The following INVS variants were observed in gnomAD, a reference collection of about 807,000 sequenced individuals.
INVS encodes inversin, also known as inversion of embryo turning homolog.
In INVS, 86 loss-of-function variants were observed where a neutral mutation model predicts 108.8. That is an observed-to-expected ratio of 0.79 (90% confidence interval 0.66 to 0.95). The LOEUF is 0.95. Among genes scored for constraint, INVS ranks in the 40% least tolerant of loss-of-function variants. The probability of loss-of-function intolerance (pLI) is 0.00; values close to 1 mark genes in which losing one functional copy is unlikely to be tolerated. For synonymous variants in INVS, 455 were observed against 473.5 expected, an observed-to-expected ratio of 0.96 and a Z score of 0.51; for missense variants, 1,169 against 1,297.4, an observed-to-expected ratio of 0.90 and a Z score of 1.52.
chr9:100,269,559 A>G (rs1832889206), intron 11 of INVS, among the ~76,000 whole-genome samples: 1 of 152,198 alleles, frequency 6.6e-6, no homozygotes, highest in East Asian at 1.9e-4. Flanking sequence ...AAAGTGATCA[A>G]AATACTCCTA....
At chr9:100,298,786 A>T (rs971130304) in intron 16 of INVS, among the ~76,000 whole-genome samples, 5 of 152,232 alleles carry the variant, frequency 3.3e-5, no homozygotes, top group Non-Finnish European at 7.3e-5. Context: ...AGTGTTGGAC[A>T]ACTCATGTAA....
rs549468499 is a variant in INVS at position 100,119,744 on chromosome 9, A to G, written c.107-6639A>G. Reference sequence around the variant, plus strand: ...GGCTGATTTTTTTGTATTTTTTAGTAGCGATGGGGTTTCACCATGTTAGCC... The same window carrying G: ...GGCTGATTTTTTTGTATTTTTTAGTGGCGATGGGGTTTCACCATGTTAGCC... On this transcript the variant is annotated intron_variant, in intron 2 of 16. Coordinates refer to ENST00000262457, the MANE Select transcript of INVS (RefSeq NM_014425.5). 1.3e-4 allele frequency among the ~76,000 whole-genome samples: 20 copies of G among 152,250 alleles called. No individual in the cohort carries two copies. In the East Asian group the frequency reaches 3.9e-3, roughly 29 times the overall value.
chr9:100,165,991 G>A (rs954184393), intron 3 of INVS, among the ~76,000 whole-genome samples: 2 of 151,858 alleles, frequency 1.3e-5, no homozygotes, highest in Admixed American at 1.3e-4. Context: ...CAGAGCTTGC[G>A]GATTTTTTTA....
chr9:100,229,796 C>T lies in INVS; in HGVS notation c.584C>T (p.Pro195Leu). ...PLHWAANHKD[P>L]SAVHTVRCIL... ...CACTGGGCAGCCAACCATAAAGATC[C>T]AAGTGCTGTTCACACAGTGAGATGC... is the stretch of plus-strand genomic sequence containing the variant. The change falls in exon 5 of 17, where the codon CCA (proline) becomes CTA (leucine). Residue 195 changes from proline (P) to leucine (L), a missense_variant. Coordinates refer to ENST00000262457, the MANE Select transcript of INVS (RefSeq NM_014425.5). The T allele has an allele frequency of 6.2e-7, 1 of 1,614,090 alleles. No homozygotes were observed. Among genetic ancestry groups the T allele is most frequent in the Non-Finnish European group, 8.5e-7 (1 of 1,180,004 alleles).
At chr9:100,273,887 C>T (rs1833038375) in intron 12 of INVS, among the ~76,000 whole-genome samples, 1 of 151,950 alleles carries the variant, frequency 6.6e-6, no homozygotes, top group South Asian at 2.1e-4. Context: ...GTAATTTACT[C>T]AAGAAATATT....
chr9:100,116,614 A>G, intron 2 of INVS: 1 of 302,940 alleles, frequency 3.3e-6, no homozygotes, highest in Non-Finnish European at 6.0e-6. Context: ...TTTGTATCAT[A>G]TCTAAGAAAT....
intron 7 of INVS, among the ~76,000 whole-genome samples, chr9:100,245,259 A>AT (rs963477007): frequency 6.6e-5 from 10 of 151,738 alleles, no homozygotes; most frequent in Admixed American, 3.3e-4. Context: ...AAGGGTCCTA[A>AT]TTTTTTTTGT....
At chr9:100,265,578 G>A (rs529422003) in intron 11 of INVS, among the ~76,000 whole-genome samples, 37 of 152,226 alleles carry the variant, frequency 2.4e-4, no homozygotes, top group Middle Eastern at 3.4e-3. Context: ...TTAGGCCAGC[G>A]GAATGTGTTA....
intron 3 of INVS, among the ~76,000 whole-genome samples, chr9:100,210,256 AAT>A (rs1284610345): frequency 6.6e-6 from 1 of 152,160 alleles, no homozygotes; most frequent in African/African-American, 2.4e-5. Flanking sequence ...TGGAGCATGT[AAT>A]AAGTGGATCC....
At chr9:100,273,373 C>G (rs1338859018) in intron 12 of INVS, among the ~76,000 whole-genome samples, 1 of 151,900 alleles carries the variant, frequency 6.6e-6, no homozygotes, top group Non-Finnish European at 1.5e-5. Flanking sequence ...GGGATTGCTT[C>G]CTAGAATAAG....
intron 12 of INVS, among the ~76,000 whole-genome samples, chr9:100,282,756 A>C (rs1833319562): frequency 6.6e-6 from 1 of 152,156 alleles, no homozygotes; most frequent in South Asian, 2.1e-4. Flanking sequence ...CCTTACAAAA[A>C]ATTGGTGTCA....
intron 2 of INVS, among the ~76,000 whole-genome samples, chr9:100,110,296 C>T (rs1218828872): frequency 6.6e-6 from 1 of 152,088 alleles, no homozygotes; most frequent in African/African-American, 2.4e-5. Context: ...TAGTATTACC[C>T]TCATTTTTAA....
intron 3 of INVS, chr9:100,129,982 T>A: frequency 2.7e-6 from 1 of 366,876 alleles, no homozygotes; most frequent in South Asian, 8.9e-5. Context: ...ATTCCTAAAC[T>A]GTGCTTGTAT....
At chr9:100,149,852 A>G (rs900190516) in intron 3 of INVS, among the ~76,000 whole-genome samples, 1 of 152,168 alleles carries the variant, frequency 6.6e-6, no homozygotes, top group Non-Finnish European at 1.5e-5. Flanking sequence ...GTTGTATATT[A>G]TGTGTTTTCT....
chr9:100,292,427 A>C lies in INVS; in HGVS notation c.2170A>C (p.Lys724Gln), dbSNP rs1376912986. 3 of 1,614,154 alleles carry C rather than the reference A, an allele frequency of 1.9e-6. No individual in the cohort carries two copies. Among genetic ancestry groups the C allele is most frequent in the Non-Finnish European group, 2.5e-6 (3 of 1,180,032 alleles). ...GCATCCAGGAGTTCCCTCTGTTGAGAAGTCCAGAGGTGAGACAGCTGGCGA... is the reference window on the plus strand; with the variant it reads ...GCATCCAGGAGTTCCCTCTGTTGAGCAGTCCAGAGGTGAGACAGCTGGCGA... ...SRHPGVPSVEKSRGETAGDER... is the reference protein window; with the variant it reads ...SRHPGVPSVEQSRGETAGDER... Residue 724 changes from lysine to glutamine, a missense_variant, in exon 14 of 17, where the codon AAG becomes CAG. Transcript: ENST00000262457.
At chr9:100,178,541 A>G (rs897932781) in intron 3 of INVS, among the ~76,000 whole-genome samples, 1 of 152,234 alleles carries the variant, frequency 6.6e-6, no homozygotes, top group African/African-American at 2.4e-5. Context: ...AGAATATCAG[A>G]GACTGAAGAT....
chr9:100,237,140 G>A (rs1306711886), intron 5 of INVS, among the ~76,000 whole-genome samples: 2 of 152,160 alleles, frequency 1.3e-5, no homozygotes, highest in South Asian at 2.1e-4. Flanking sequence ...AAACTTCTTG[G>A]AGGCTTTGTT....
At chr9:100,283,490 T>C (rs1263281460) in intron 12 of INVS, among the ~76,000 whole-genome samples, 1 of 152,158 alleles carries the variant, frequency 6.6e-6, no homozygotes, top group African/African-American at 2.4e-5. Context: ...CCTCCTGTCT[T>C]TCCCTTGGGA....
chr9:100,220,530 T>A (rs1021521183), intron 3 of INVS, among the ~76,000 whole-genome samples: 2 of 152,202 alleles, frequency 1.3e-5, no homozygotes, highest in African/African-American at 4.8e-5. Flanking sequence ...GCTCCCTTAC[T>A]TCTGCTTACC....
Sources: gnomAD v4.1 joint callset for allele counts (sites outside exome capture counted in the v4.1 genomes callset) on GRCh38, gnomAD v4.1.1 for gene constraint, MANE v1.5 for transcripts, NCBI Gene and HGNC (gene_info 2026-07-23, HGNC 2026-07-21) for gene names.